Variants in CDHR3 observed in about 807,000 individuals in gnomAD.
CDHR3 encodes cadherin-related family member 3.
Under a neutral mutation model 86.6 loss-of-function variants are expected in CDHR3, and 79 were observed. The ratio of observed to expected loss-of-function variants is 0.91; its 90% CI spans 0.76 to 1.10. The LOEUF is 1.10. Ranked by LOEUF, CDHR3 falls within the 50% of genes least tolerant of loss-of-function variation. The probability of loss-of-function intolerance (pLI) is 0.00; values close to 1 mark genes in which losing one functional copy is unlikely to be tolerated. For synonymous variants in CDHR3, 421 were observed against 402.4 expected (o/e 1.05, Z -0.55); for missense variants, 1,081 against 1,077.6 (o/e 1.00, Z -0.04).
chr7:105,967,320 G>A (rs1230182070), intron 1 of CDHR3, among the ~76,000 whole-genome samples: 1 of 152,168 alleles, frequency 6.6e-6, no homozygotes, highest in African/African-American at 2.4e-5. Flanking sequence ...ATTCCATGGT[G>A]TATATGTGCC....
Position 105,996,282 on chromosome 7 carries a change from G to A in CDHR3, c.641G>A (p.Gly214Glu). 3 of 1,599,082 alleles carry A rather than the reference G, an allele frequency of 1.9e-6. No individual in the cohort carries two copies. The highest frequency in any genetic ancestry group is 2.6e-6 in the Non-Finnish European group (3 of 1,167,758). The change falls in exon 6 of 19, where the codon GGA (glycine) becomes GAA (glutamate). Residue 214 changes from glycine to glutamate, a missense_variant. Gly to Glu is a moderately conservative substitution (Grantham distance 98). Transcript: ENST00000317716. ...FHLIVEVRDSGGLKASTELQV... is the reference protein window; with the variant it reads ...FHLIVEVRDSEGLKASTELQV... ...CTCATCGTGGAGGTGAGGGACAGTG[G>A]AGGCCTCAAAGCCTCCACAGAGCTC...
intron 14 of CDHR3, 49 bp downstream of exon 14, chr7:106,022,497 A>T (rs370349277): frequency 6.3e-7 from 1 of 1,588,200 alleles, no homozygotes; most frequent in East Asian, 2.2e-5. Context: ...CTTGTGAGTT[A>T]TGTTGATGGA....
In CDHR3 at chr7:105,996,299, A is replaced by T; in HGVS notation, c.658A>T (p.Thr220Ser). ...VRDSGGLKAS[T>S]ELQVNIVNLN... ...GGACAGTGGAGGCCTCAAAGCCTCC[A>T]CAGAGCTCCAGGTGAACATCGTGAA... is the stretch of plus-strand genomic sequence containing the variant. The change falls in exon 6 of 19, where the codon ACA becomes TCA. Residue 220 changes from threonine (T) to serine (S), a missense_variant. Coordinates refer to ENST00000317716, the MANE Select transcript of CDHR3 (RefSeq NM_152750.5). The T allele has an allele frequency of 1.9e-6, 3 of 1,601,558 alleles. No individual in the cohort carries two copies. Among genetic ancestry groups the T allele is most frequent in the Non-Finnish European group, 2.6e-6 (3 of 1,169,994 alleles).
chr7:105,979,420 C>T (rs1829311681), intron 2 of CDHR3, among the ~76,000 whole-genome samples: 1 of 152,194 alleles, frequency 6.6e-6, no homozygotes, highest in Admixed American at 6.5e-5. Flanking sequence ...ACCACAAGTA[C>T]TCATTCACAT....
chr7:106,019,392 T>TG (rs1175033275), intron 12 of CDHR3, among the ~76,000 whole-genome samples: 6 of 151,930 alleles, frequency 3.9e-5, no homozygotes, highest in Admixed American at 3.9e-4. Flanking sequence ...TAGGCTGTTT[T>TG]TTTTTTTTTT....
At chr7:106,026,267 A>G (rs546858058) in intron 15 of CDHR3, among the ~76,000 whole-genome samples, 3 of 152,286 alleles carry the variant, frequency 2.0e-5, no homozygotes, top group Non-Finnish European at 4.4e-5. Context: ...GGAAACCAAA[A>G]TGTAACTGCC....
intron 1 of CDHR3, among the ~76,000 whole-genome samples, chr7:105,971,065 C>T (rs565832362): frequency 6.0e-5 from 9 of 150,690 alleles, no homozygotes; most frequent in South Asian, 2.1e-4. Flanking sequence ...GGCGTGAACC[C>T]GGGAGGCAGA....
chr7:105,984,936 G>A (rs1830301179), intron 4 of CDHR3, among the ~76,000 whole-genome samples: 1 of 152,008 alleles, frequency 6.6e-6, no homozygotes, highest in South Asian at 2.1e-4. Context: ...GTGCGTGCTT[G>A]TAATTCCAGC....
intron 3 of CDHR3, among the ~76,000 whole-genome samples, chr7:105,981,344 T>G (rs1829703159): frequency 6.6e-6 from 1 of 151,948 alleles, no homozygotes; most frequent in South Asian, 2.1e-4. Flanking sequence ...ACAGGCAGGG[T>G]TTCTCCTGGT....
At chr7:105,963,569 G>A (rs1481870281) in intron 1 of CDHR3, among the ~76,000 whole-genome samples, 1 of 152,210 alleles carries the variant, frequency 6.6e-6, no homozygotes, top group Non-Finnish European at 1.5e-5. Context: ...TGCTTAAAGA[G>A]CCTAATCTAA....
At position 106,017,861 on chromosome 7, in the gene CDHR3, G is replaced by C. The variant is rs1376682464; in HGVS notation, c.1442G>C (p.Gly481Ala). 6.3e-7 allele frequency: 1 copy of C among 1,583,540 alleles called. No individual in the cohort carries two copies. Among genetic ancestry groups the C allele is most frequent in the Non-Finnish European group, 8.6e-7 (1 of 1,164,984 alleles). ...SERRPARTRV[G>A]QVRATDKDLP... Reference sequence around the variant, plus strand: ...ATTCCTCCAGCCAGAACCCGAGTGGGACAGGTGCGAGCCACTGATAAAGAC... The same window carrying C: ...ATTCCTCCAGCCAGAACCCGAGTGGCACAGGTGCGAGCCACTGATAAAGAC... The change falls in exon 12 of 19, where the codon GGA (glycine) becomes GCA (alanine). Residue 481 changes from glycine (G) to alanine (A), a missense_variant. Transcript: ENST00000317716.
At position 106,020,543 on chromosome 7, in the gene CDHR3, A is replaced by G; in HGVS notation, c.1824A>G (p.Pro608=). 1 of 1,612,968 alleles carries G rather than the reference A, an allele frequency of 6.2e-7. No homozygotes were observed. The highest frequency in any genetic ancestry group is 1.3e-5 in the African/African-American group (1 of 75,018). ...SPRSFRYSIG[P]GNVNNHFTFS... ...GATCTTTCCGTTATTCCATTGGCCC[A>G]GGTATAGTACTTGGTGTCGACAATC... Residue 608 remains proline, a splice_region_variant and synonymous_variant, in exon 13 of 19, where the codon CCA becomes CCG. Coordinates refer to ENST00000317716, the MANE Select transcript of CDHR3 (RefSeq NM_152750.5).
intron 12 of CDHR3, among the ~76,000 whole-genome samples, chr7:106,019,404 A>T (rs1429427451): frequency 1.2e-4 from 17 of 144,756 alleles, no homozygotes; most frequent in South Asian, 8.5e-4. Context: ...TTTTTTTTTT[A>T]AAGAAAATGA....
At chr7:105,983,794 C>G (rs1405511676) in intron 3 of CDHR3, among the ~76,000 whole-genome samples, 1 of 152,178 alleles carries the variant, frequency 6.6e-6, no homozygotes, top group Non-Finnish European at 1.5e-5. Flanking sequence ...CAAGGGGTAA[C>G]AGCACAGTTG....
chr7:106,033,811 A>T lies in CDHR3; in HGVS notation c.*1114A>T, dbSNP rs532862664. The T allele has an allele frequency of 3.8e-4, 58 of 152,250 alleles. No individual in the cohort carries two copies. The highest frequency in any genetic ancestry group is 1.2e-3 in the African/African-American group (51 of 41,542). The allele number at this position is 152,250 out of a possible 1,614,324, so 9.4% of individuals were successfully genotyped here. ...TACATGTCTTTTGGTGAACATAAAC[A>T]CTCACTTTTTTGCTCATATATCTAA... is the stretch of plus-strand genomic sequence containing the variant. On this transcript the variant is annotated 3_prime_UTR_variant, in exon 19 of 19. Transcript: ENST00000317716.
intron 4 of CDHR3, among the ~76,000 whole-genome samples, chr7:105,985,940 A>G (rs1830457964): frequency 6.6e-6 from 1 of 152,226 alleles, no homozygotes; most frequent in Non-Finnish European, 1.5e-5. Flanking sequence ...ATCTGCTACC[A>G]TCAGGAGCCT....
chr7:106,024,677 G>T (rs765118475), intron 15 of CDHR3, 115 bp downstream of exon 15: 18 of 1,098,254 alleles, frequency 1.6e-5, no homozygotes, highest in Non-Finnish European at 2.1e-5. Context: ...CAGGTTGCCT[G>T]GAGTGAAGGC....
In CDHR3 at chr7:105,981,764, G is replaced by T. The variant is rs572449918; in HGVS notation, c.415+631G>T. Among the ~76,000 whole-genome samples the T allele has an allele frequency of 5.3e-4, 81 of 152,050 alleles. No homozygotes were observed. In the South Asian group the frequency reaches 0.01, roughly 20 times the overall value. On this transcript the variant is annotated intron_variant, in intron 3 of 18. Coordinates refer to ENST00000317716, the MANE Select transcript of CDHR3 (RefSeq NM_152750.5). The stretch of plus-strand genomic sequence containing the variant: ...AATGTGCTTCTGAACCAAACTCCTG[G>T]CTTCCTCTCCACCCTCCACCCCCAC...
In CDHR3 at chr7:106,032,828, G is replaced by C; in HGVS notation, c.*131G>C. ...ATTCAGACATCCAGGGTCAAACATG[G>C]GATGTTTGACAAATTTTTAAACAAA... On this transcript the variant is annotated 3_prime_UTR_variant, in exon 19 of 19. Transcript: ENST00000317716. 2 of 945,142 alleles carry C rather than the reference G, an allele frequency of 2.1e-6. No homozygotes were observed. Among genetic ancestry groups the C allele is most frequent in the Non-Finnish European group, 3.1e-6 (2 of 649,508 alleles). The allele number at this position is 945,142 out of a possible 1,614,324, so 58.5% of individuals were successfully genotyped here.
Sources: gnomAD v4.1 joint callset for allele counts (sites outside exome capture counted in the v4.1 genomes callset) on GRCh38, gnomAD v4.1.1 for gene constraint, MANE v1.5 for transcripts, NCBI Gene and HGNC (gene_info 2026-07-23, HGNC 2026-07-21) for gene names.